The following ZBTB8A variants were observed in gnomAD, a reference collection of about 807,000 sequenced individuals.
The protein encoded by ZBTB8A is zinc finger and BTB domain containing 8A, also known as zinc finger and BTB domain-containing protein 8A.
Under a neutral mutation model 37.8 loss-of-function variants are expected in ZBTB8A, and 19 were observed. That is an observed-to-expected ratio of 0.50 (90% confidence interval 0.35 to 0.74). The LOEUF is 0.74. Among genes scored for constraint, ZBTB8A ranks in the 30% least tolerant of loss-of-function variants. The probability of loss-of-function intolerance (pLI) is 0.01; values close to 1 mark genes in which losing one functional copy is unlikely to be tolerated. For synonymous variants in ZBTB8A, 181 were observed against 185.2 expected, an observed-to-expected ratio of 0.98 and a Z score of 0.19; for missense variants, 394 against 537.8, an observed-to-expected ratio of 0.73 and a Z score of 2.65.
chr1:32,559,377 T>G (rs1231829185), intron 2 of ZBTB8A, among the ~76,000 whole-genome samples: 1 of 151,864 alleles, frequency 6.6e-6, no homozygotes, highest in African/African-American at 2.4e-5. Flanking sequence ...CTTGTCTGCT[T>G]ATTTTCATCA....
chr1:32,576,138 A>G (rs1644357497), intron 2 of ZBTB8A, among the ~76,000 whole-genome samples: 1 of 152,224 alleles, frequency 6.6e-6, no homozygotes, highest in Non-Finnish European at 1.5e-5. Flanking sequence ...ATTCATTTAC[A>G]TATTTTTTCA....
chr1:32,576,229 A>G (rs1322690788), intron 2 of ZBTB8A, among the ~76,000 whole-genome samples: 2 of 152,214 alleles, frequency 1.3e-5, no homozygotes, highest in Non-Finnish European at 2.9e-5. Flanking sequence ...GAGGCTACAT[A>G]GCCTGCAAAG....
chr1:32,581,889 A>G (rs1355205043), intron 2 of ZBTB8A, among the ~76,000 whole-genome samples: 2 of 152,140 alleles, frequency 1.3e-5, no homozygotes, highest in Admixed American at 6.6e-5. Flanking sequence ...CAACACCATC[A>G]GATCTCGTGA....
At chr1:32,588,467 A>G (rs769080178) in intron 2 of ZBTB8A, among the ~76,000 whole-genome samples, 1 of 151,908 alleles carries the variant, frequency 6.6e-6, no homozygotes, top group Non-Finnish European at 1.5e-5. Flanking sequence ...GAGGCCTGAG[A>G]CCCAATACAT....
chr1:32,599,811 C>T (rs903812436), intron 4 of ZBTB8A, among the ~76,000 whole-genome samples: 2 of 152,072 alleles, frequency 1.3e-5, no homozygotes, highest in African/African-American at 4.8e-5. Flanking sequence ...GAAGTTACCT[C>T]AGATACCAAA....
At chr1:32,575,305 C>T (rs1278781546) in intron 2 of ZBTB8A, among the ~76,000 whole-genome samples, 1 of 145,582 alleles carries the variant, frequency 6.9e-6, no homozygotes, top group African/African-American at 2.6e-5. Flanking sequence ...CAGCTCACTG[C>T]AACCTCTGCC....
chr1:32,567,825 A>AAAAACAAAACAAACAAAAAC (rs1644294233), intron 2 of ZBTB8A, among the ~76,000 whole-genome samples: 1 of 63,676 alleles, frequency 1.6e-5, no homozygotes, highest in African/African-American at 7.1e-5. Flanking sequence ...AAAAAAAAAC[A>AAAAACAAAACAAACAAAAAC]AAAACAAAAC....
chr1:32,578,231 A>ATTTTT (rs561875455), intron 2 of ZBTB8A, among the ~76,000 whole-genome samples: 1 of 135,086 alleles, frequency 7.4e-6, no homozygotes, highest in Non-Finnish European at 1.6e-5. Context: ...CTCCTGGCTA[A>ATTTTT]TTTTTTTTTT....
At chr1:32,547,626 C>CAAAAAAAAA (rs745418265) in intron 1 of ZBTB8A, among the ~76,000 whole-genome samples, 1 of 98,964 alleles carries the variant, frequency 1.0e-5, no homozygotes, top group Non-Finnish European at 2.0e-5. Context: ...GTCTGTATCT[C>CAAAAAAAAA]AAAAAAAAAA....
chr1:32,591,339 G>T (rs10753260), intron 2 of ZBTB8A, among the ~76,000 whole-genome samples: 19,352 of 151,606 alleles, frequency 0.13, 1,421 homozygotes, highest in African/African-American at 0.21. Flanking sequence ...GCCTCCCAAG[G>T]AGCTAGGACT....
intron 2 of ZBTB8A, among the ~76,000 whole-genome samples, chr1:32,585,628 T>C (rs1209625154): frequency 6.6e-6 from 1 of 152,112 alleles, no homozygotes; most frequent in African/African-American, 2.4e-5. Context: ...AATTAATCTA[T>C]AAGTTCAATA....
At chr1:32,581,973 C>T (rs535061445) in intron 2 of ZBTB8A, among the ~76,000 whole-genome samples, 28 of 152,096 alleles carry the variant, frequency 1.8e-4, no homozygotes, top group South Asian at 4.2e-4. Flanking sequence ...CTGGTCCTAC[C>T]CATGAGGATT....
rs1557717252 is a variant in ZBTB8A at position 32,593,197 on chromosome 1, C to T, written c.266C>T (p.Ser89Phe). 6.2e-7 allele frequency: 1 copy of T among 1,614,200 alleles called. No homozygotes were observed. The highest frequency in any genetic ancestry group is 8.5e-7 in the Non-Finnish European group (1 of 1,180,044). ...ILDFVYSGKL[S>F]LTGQNVIEVM... is the part of the protein sequence containing the mutation. ...GACTTCGTATATTCTGGCAAACTGT[C>T]TCTTACTGGTCAGAATGTCATAGAA... The change falls in exon 3 of 5, where the codon TCT becomes TTT. Residue 89 changes from serine to phenylalanine, a missense_variant. This residue lies in a region of ZBTB8A where 96 missense variants were observed against 165.6 expected (regional missense o/e 0.58). Transcript: ENST00000373510.
chr1:32,547,210 A>G (rs1032769534), intron 1 of ZBTB8A, among the ~76,000 whole-genome samples: 2 of 152,006 alleles, frequency 1.3e-5, no homozygotes, highest in Non-Finnish European at 1.5e-5. Flanking sequence ...GGCTGGGGGA[A>G]GTTTTATTCC....
At chr1:32,593,946 G>C (rs1178210169) in intron 3 of ZBTB8A, among the ~76,000 whole-genome samples, 192 bp downstream of exon 3, 3 of 152,026 alleles carry the variant, frequency 2.0e-5, no homozygotes, top group Non-Finnish European at 4.4e-5. Context: ...GATTCCAGCA[G>C]TTTGGGAGGC....
At position 32,590,401 on chromosome 1, in the gene ZBTB8A, A is replaced by G. The variant is rs75543796; in HGVS notation, c.-1-2530A>G. 7.6e-3 allele frequency among the ~76,000 whole-genome samples: 1,159 copies of G among 152,030 alleles called. 26 individuals are homozygous for G. The highest frequency in any genetic ancestry group is 0.026 in the African/African-American group (1,076 of 41,426). ...ACTTTTTTACCTTCTCCTTGGACAT[A>G]CGGTCAGAATTTTTAGTCCCTTTTC... On this transcript the variant is annotated intron_variant, in intron 2 of 4. Coordinates refer to ENST00000373510, the MANE Select transcript of ZBTB8A (RefSeq NM_001040441.3).
chr1:32,575,463 G>T (rs1181860981), intron 2 of ZBTB8A, among the ~76,000 whole-genome samples: 1 of 150,986 alleles, frequency 6.6e-6, no homozygotes, highest in Non-Finnish European at 1.5e-5. Flanking sequence ...CTGACTTCAT[G>T]ATCTGCCCGC....
intron 2 of ZBTB8A, among the ~76,000 whole-genome samples, chr1:32,573,891 A>G (rs1006994342): frequency 6.6e-6 from 1 of 151,592 alleles, no homozygotes; most frequent in East Asian, 2.0e-4. Context: ...CCTGACCAAC[A>G]TGGTGAAACC....
At chr1:32,566,063 G>A (rs1054212351) in intron 2 of ZBTB8A, among the ~76,000 whole-genome samples, 15 of 152,186 alleles carry the variant, frequency 9.9e-5, no homozygotes, top group Admixed American at 3.9e-4. Flanking sequence ...TTAGCCAGGC[G>A]TGGTGGCGGG....
Sources: gnomAD v4.1 joint callset for allele counts (sites outside exome capture counted in the v4.1 genomes callset) on GRCh38, gnomAD v4.1.1 for gene constraint, gnomAD v4.1.1 regional missense constraint, MANE v1.5 for transcripts, NCBI Gene and HGNC (gene_info 2026-07-23, HGNC 2026-07-21) for gene names.